MARK2: variants seen among roughly 807,000 people sequenced by gnomAD.
The protein encoded by MARK2 is serine/threonine-protein kinase MARK2.
MARK2 carries 16 observed loss-of-function variants against 89.8 expected under a neutral mutation model. That is an observed-to-expected ratio of 0.18 (90% CI 0.12 to 0.27). MARK2 has a LOEUF of 0.27. MARK2 is among the 10% of genes least tolerant of loss of function. MARK2 has a pLI of 1.00. For synonymous variants in MARK2, 382 were observed against 399.5 expected (o/e 0.96, Z 0.52); for missense variants, 621 against 1,049.9 (o/e 0.59, Z 5.65).
chr11:63,906,050 C>CT lies in MARK2; in HGVS notation c.1935-31dup, dbSNP rs1262816686. 26 of 1,336,810 alleles carry CT rather than the reference C, an allele frequency of 1.9e-5. No homozygotes were observed. The Admixed American group carries it at 4.6e-4, about 24-fold the overall frequency. 82.8% of individuals were successfully genotyped at this position (1,336,810 alleles called of 1,614,324 possible). A position where few individuals can be genotyped will look rare whatever the true frequency, so the allele number is the denominator to read the frequency against. On this transcript the variant is annotated intron_variant, in intron 16 of 18. Coordinates refer to ENST00000402010, the MANE Select transcript of MARK2 (RefSeq NM_001039469.3). ...CGTCTTGTTGGTTTTTTTTTTATTT[C>CT]TTTTTTTATTTTGTCTTTTTTTTGT...
chr11:63,868,936 A>G (rs1217242427), intron 1 of MARK2: 2 of 454,112 alleles, frequency 4.4e-6, no homozygotes, highest in Non-Finnish European at 8.9e-6. Flanking sequence ...TCCTTTGAGC[A>G]TCTCAGAGCA....
intron 1 of MARK2, among the ~76,000 whole-genome samples, chr11:63,884,552 C>T (rs977593505): frequency 2.6e-5 from 4 of 152,226 alleles, no homozygotes; most frequent in Admixed American, 2.0e-4. Context: ...GTTGCAGGCT[C>T]TTCTGGTTAT....
chr11:63,863,635 T>G (rs1305013186), intron 1 of MARK2, among the ~76,000 whole-genome samples: 1 of 151,818 alleles, frequency 6.6e-6, no homozygotes, highest in Non-Finnish European at 1.5e-5. Context: ...TGGTTAATTT[T>G]GTATATTTAG....
At chr11:63,883,515 T>C (rs1939224057) in intron 1 of MARK2, among the ~76,000 whole-genome samples, 1 of 152,020 alleles carries the variant, frequency 6.6e-6, no homozygotes, top group African/African-American at 2.4e-5. Context: ...AGCTAGATAA[T>C]AATAGAATAC....
chr11:63,848,716 A>C (rs549763405), intron 1 of MARK2, among the ~76,000 whole-genome samples: 60 of 151,384 alleles, frequency 4.0e-4, no homozygotes, highest in Non-Finnish European at 1.5e-4. Flanking sequence ...ATGCCCAGCT[A>C]ATTTTTTGTA....
rs1164626870 is a variant in MARK2, at chr11:63,908,245, G to A, written c.1962-15G>A. On this transcript the variant is annotated splice_polypyrimidine_tract_variant and intron_variant, in intron 17 of 18. Coordinates refer to ENST00000402010, the MANE Select transcript of MARK2 (RefSeq NM_001039469.3). ...AGATCCCAGCACTAAACTCTCCCTC[G>A]CTCTGTTTTTTGAGGAACCTGAATG... The A allele has an allele frequency of 1.3e-6, 2 of 1,556,220 alleles. No individual in the cohort carries two copies. Among genetic ancestry groups the A allele is most frequent in the Non-Finnish European group, 1.7e-6 (2 of 1,149,038 alleles).
At chr11:63,846,410 C>T (rs1050643798) in intron 1 of MARK2, among the ~76,000 whole-genome samples, 5 of 151,832 alleles carry the variant, frequency 3.3e-5, no homozygotes, top group Non-Finnish European at 7.4e-5. Context: ...GGCTGGAGTG[C>T]AGTGGTGCGA....
At chr11:63,886,128 CAAA>C (rs569957748) in intron 1 of MARK2, among the ~76,000 whole-genome samples, 11 of 116,264 alleles carry the variant, frequency 9.5e-5, no homozygotes, top group Admixed American at 1.8e-4. Flanking sequence ...GACTCTATCT[CAAA>C]AAAAAAAAAA....
intron 1 of MARK2, among the ~76,000 whole-genome samples, chr11:63,848,585 C>G (rs533998249): frequency 1.3e-5 from 2 of 149,598 alleles, no homozygotes; most frequent in East Asian, 2.0e-4. Flanking sequence ...GGGTCTCGCT[C>G]TGTCGCCCAG....
At chr11:63,879,056 GC>G (rs1474952976) in intron 1 of MARK2, among the ~76,000 whole-genome samples, 6 of 152,140 alleles carry the variant, frequency 3.9e-5, no homozygotes, top group Non-Finnish European at 7.4e-5. Context: ...TGTAATCCCA[GC>G]ACTTTGGGAG....
chr11:63,861,614 A>G (rs566383211), intron 1 of MARK2, among the ~76,000 whole-genome samples: 1 of 152,096 alleles, frequency 6.6e-6, no homozygotes, highest in Admixed American at 6.6e-5. Context: ...GGGTCTCCTC[A>G]TTTTTGCATG....
chr11:63,861,740 C>CTTTT (rs531935148), intron 1 of MARK2, among the ~76,000 whole-genome samples: 15 of 127,090 alleles, frequency 1.2e-4, no homozygotes, highest in African/African-American at 3.7e-4. Context: ...CTCATTTACT[C>CTTTT]TTTTTTTTTT....
chr11:63,885,271 G>A (rs1222685774), intron 1 of MARK2, among the ~76,000 whole-genome samples: 1 of 152,204 alleles, frequency 6.6e-6, no homozygotes, highest in Non-Finnish European at 1.5e-5. Flanking sequence ...GGGAATGGTA[G>A]CTCATGTCTA....
chr11:63,892,719 ACT>A (rs1277401511), intron 1 of MARK2, among the ~76,000 whole-genome samples: 5 of 122,378 alleles, frequency 4.1e-5, no homozygotes, highest in African/African-American at 1.2e-4. Flanking sequence ...GTTAGACCAG[ACT>A]CTGCATTTTT....
intron 1 of MARK2, among the ~76,000 whole-genome samples, chr11:63,842,509 T>C (rs991482052): frequency 2.0e-4 from 30 of 152,108 alleles, no homozygotes; most frequent in African/African-American, 5.1e-4. Context: ...CCGGGCCTGA[T>C]TCCTGTATTC....
At position 63,895,439 on chromosome 11, in the gene MARK2, G is replaced by A. The variant is rs1478108700; in HGVS notation, c.234+101G>A. The stretch of plus-strand genomic sequence containing the variant: ...ACTGCAGCCAACCTCTTGTTTATCC[G>A]GCAGAAATGAGATCTGAGATATAGG... On this transcript the variant is annotated intron_variant, in intron 2 of 18. Transcript: ENST00000402010. 2.3e-5 allele frequency: 34 copies of A among 1,457,906 alleles called. No homozygotes were observed. The East Asian group carries it at 3.2e-4, about 14-fold the overall frequency. The allele number at this position is 1,457,906 out of a possible 1,614,324, so 90.3% of individuals were successfully genotyped here. A position where few individuals can be genotyped will look rare whatever the true frequency, so the allele number is the denominator to read the frequency against.
rs1941687275 is a variant in MARK2, at chr11:63,910,592, TACC to T, written c.*1356_*1358del. On this transcript the variant is annotated 3_prime_UTR_variant, in exon 19 of 19. Coordinates refer to ENST00000402010, the MANE Select transcript of MARK2 (RefSeq NM_001039469.3). ...GGGAGTCCTACACAGAGGCTGCCCC[TACC>T]CTCACCTGAGTTGTACATTTTTTTG... 1 of 152,172 alleles carries T rather than the reference TACC, an allele frequency of 6.6e-6. No homozygotes were observed. The highest frequency in any genetic ancestry group is 2.4e-5 in the African/African-American group (1 of 41,444). 9.4% of individuals were successfully genotyped at this position (152,172 alleles called of 1,614,324 possible).
chr11:63,861,643 G>A (rs1195307094), intron 1 of MARK2, among the ~76,000 whole-genome samples: 2 of 151,676 alleles, frequency 1.3e-5, no homozygotes, highest in Admixed American at 1.3e-4. Flanking sequence ...CTGAGGCTGT[G>A]TATCTTTAGC....
At chr11:63,856,321 G>GTTTTTTTTTTTTT (rs1358748879) in intron 1 of MARK2, among the ~76,000 whole-genome samples, 2 of 52,664 alleles carry the variant, frequency 3.8e-5, no homozygotes, top group African/African-American at 8.7e-5. Context: ...TTTTTTTTTT[G>GTTTTTTTTTTTTT]TTTTTTTTTT....
Sources: allele counts gnomAD v4.1 joint callset (sites outside exome capture counted in the v4.1 genomes callset), GRCh38; gene constraint gnomAD v4.1.1; transcripts MANE v1.5; gene names NCBI Gene and HGNC (gene_info 2026-07-23, HGNC 2026-07-21).